GRM5: variants seen among roughly 807,000 people sequenced by gnomAD.
GRM5 encodes the protein glutamate metabotropic receptor 5.
A neutral mutation model predicts 83.1 loss-of-function variants in GRM5; 19 were observed. The ratio of observed to expected loss-of-function variants is 0.23; its 90% CI spans 0.16 to 0.34. The LOEUF (loss-of-function observed/expected upper bound fraction) is 0.34. GRM5 is among the 10% of genes least tolerant of loss of function. The pLI is 1.00. For synonymous variants in GRM5, 675 were observed against 633.6 expected, an observed-to-expected ratio of 1.07 and a Z score of -0.98; for missense variants, 1,160 against 1,588.3, an observed-to-expected ratio of 0.73 and a Z score of 4.58.
At chr11:88,938,885 A>G (rs549211587) in intron 2 of GRM5, among the ~76,000 whole-genome samples, 2 of 151,902 alleles carry the variant, frequency 1.3e-5, no homozygotes, top group South Asian at 2.1e-4. Flanking sequence ...GATGGTATCA[A>G]ACAAACTGTC....
At chr11:88,597,483 A>T (rs1565353973) in intron 5 of GRM5, 131 bp from the exon 6 acceptor site, 1 of 527,452 alleles carries the variant, frequency 1.9e-6, no homozygotes, top group Non-Finnish European at 3.3e-6. Context: ...ATGACAGTAC[A>T]CTTAGAATAA....
At chr11:88,782,684 T>G (rs1199961515) in intron 3 of GRM5, among the ~76,000 whole-genome samples, 1 of 152,170 alleles carries the variant, frequency 6.6e-6, no homozygotes, top group African/African-American at 2.4e-5. Context: ...CTCTGTTCTT[T>G]GAAAATTGGA....
chr11:88,905,985 T>C (rs1254711949), intron 2 of GRM5, among the ~76,000 whole-genome samples: 1 of 152,128 alleles, frequency 6.6e-6, no homozygotes, highest in Admixed American at 6.6e-5. Flanking sequence ...AAGGACAAGA[T>C]CTGAAAACTG....
intron 4 of GRM5, among the ~76,000 whole-genome samples, chr11:88,629,288 A>G (rs182336645): frequency 1.6e-3 from 247 of 152,276 alleles, no homozygotes; most frequent in African/African-American, 5.7e-3. Context: ...ATGCTCAGTA[A>G]TACCCAACAA....
At chr11:88,617,435 T>C (rs1028633160) in intron 4 of GRM5, among the ~76,000 whole-genome samples, 1 of 152,228 alleles carries the variant, frequency 6.6e-6, no homozygotes, top group African/African-American at 2.4e-5. Flanking sequence ...TCTTCAGATT[T>C]AGACTCAAAA....
intron 4 of GRM5, among the ~76,000 whole-genome samples, chr11:88,608,252 G>C (rs1938213783): frequency 6.6e-6 from 1 of 152,054 alleles, no homozygotes; most frequent in South Asian, 2.1e-4. Context: ...CCAGTGCATG[G>C]TGAGCTTGCT....
In GRM5 at chr11:89,036,020, T is replaced by C. The variant is rs150080470; in HGVS notation, c.661+11192A>G. On this transcript the variant is annotated intron_variant, in intron 2 of 9. Coordinates refer to ENST00000305447, the MANE Select transcript of GRM5 (RefSeq NM_001143831.3). ...CTATCTACTGCTTGTACCTATTTTT[T>C]TCACTATAAAATTTGCTTATGCTTG... Among the ~76,000 whole-genome samples the C allele has an allele frequency of 2.3e-3, 357 of 152,196 alleles. 1 individual carries two copies. The highest frequency in any genetic ancestry group is 0.023 in the East Asian group (120 of 5,176).
rs150154087 is a variant in GRM5, at chr11:88,985,695, C to T, written c.661+61517G>A. ...CCCCAAGACACTTTCAGAAGATTTG[C>T]AATGTCAGTATTATTATCATAGCAA... On this transcript the variant is annotated intron_variant, in intron 2 of 9. Transcript: ENST00000305447. Among the ~76,000 whole-genome samples the T allele has an allele frequency of 7.7e-3, 1,172 of 152,230 alleles. 10 individuals carry two copies. The highest frequency in any genetic ancestry group is 0.02 in the African/African-American group (847 of 41,558).
chr11:88,692,442 A>C (rs374361733), intron 3 of GRM5, among the ~76,000 whole-genome samples: 14 of 152,306 alleles, frequency 9.2e-5, no homozygotes, highest in Admixed American at 7.2e-4. Context: ...GCTTCAAATA[A>C]AGACGAATGC....
intron 3 of GRM5, among the ~76,000 whole-genome samples, chr11:88,849,679 A>G (rs1282093874): frequency 2.6e-5 from 4 of 152,182 alleles, no homozygotes; most frequent in Non-Finnish European, 4.4e-5. Context: ...GGACTTAAAG[A>G]TGCATCATCT....
At chr11:88,935,360 T>C (rs1937857236) in intron 2 of GRM5, among the ~76,000 whole-genome samples, 1 of 151,830 alleles carries the variant, frequency 6.6e-6, no homozygotes, top group Non-Finnish European at 1.5e-5. Flanking sequence ...TGTGTGTGTG[T>C]GTATAATTTA....
At chr11:88,722,984 A>G (rs907245754) in intron 3 of GRM5, among the ~76,000 whole-genome samples, 2 of 152,038 alleles carry the variant, frequency 1.3e-5, no homozygotes, top group Non-Finnish European at 2.9e-5. Flanking sequence ...ATAAAATTTC[A>G]GGCCCTAAAA....
intron 3 of GRM5, among the ~76,000 whole-genome samples, chr11:88,659,363 C>T (rs1439806845): frequency 1.3e-5 from 2 of 152,130 alleles, no homozygotes; most frequent in East Asian, 3.9e-4. Context: ...ATATTCTCTC[C>T]ATATGCAACT....
At chr11:88,776,923 T>C (rs1363765695) in intron 3 of GRM5, among the ~76,000 whole-genome samples, 1 of 152,162 alleles carries the variant, frequency 6.6e-6, no homozygotes, top group Non-Finnish European at 1.5e-5. Context: ...TGTCTTGGGG[T>C]TGCTCTTCTT....
chr11:88,889,684 C>A (rs931817684), intron 2 of GRM5, among the ~76,000 whole-genome samples: 1 of 152,070 alleles, frequency 6.6e-6, no homozygotes, highest in Non-Finnish European at 1.5e-5. Flanking sequence ...CTTCTTGGAT[C>A]TTGTTTTCTG....
chr11:88,771,618 C>A (rs557247235), intron 3 of GRM5, among the ~76,000 whole-genome samples: 1 of 152,192 alleles, frequency 6.6e-6, no homozygotes, highest in Non-Finnish European at 1.5e-5. Context: ...TGAGGGTCTT[C>A]CTCTCCAGTC....
intron 4 of GRM5, among the ~76,000 whole-genome samples, chr11:88,641,178 G>T (rs1939283606): frequency 6.6e-6 from 1 of 152,032 alleles, no homozygotes; most frequent in Non-Finnish European, 1.5e-5. Context: ...GACCAAGAGA[G>T]AGAGTGGAGG....
chr11:88,989,718 C>T (rs11493152), intron 2 of GRM5, among the ~76,000 whole-genome samples: 3,249 of 136,700 alleles, frequency 0.024, 52 homozygotes, highest in East Asian at 0.091. Flanking sequence ...CACTCAAAAC[C>T]GCTCAACTAC....
chr11:88,688,277 C>G (rs1940696159), intron 3 of GRM5, among the ~76,000 whole-genome samples: 2 of 152,138 alleles, frequency 1.3e-5, no homozygotes, highest in South Asian at 4.1e-4. Flanking sequence ...ATTTTAACAA[C>G]TAGTTATTAT....
Sources: allele counts gnomAD v4.1 joint callset (sites outside exome capture counted in the v4.1 genomes callset), GRCh38; gene constraint gnomAD v4.1.1; transcripts MANE v1.5; gene names NCBI Gene and HGNC (gene_info 2026-07-23, HGNC 2026-07-21).